Variants in RBFOX1 observed in about 807,000 individuals in gnomAD.
The protein encoded by RBFOX1 is RNA binding fox-1 homolog 1.
A neutral mutation model predicts 57.7 loss-of-function variants in RBFOX1; 8 were observed. The observed-to-expected ratio is 0.14, with a 90% confidence interval of 0.08 to 0.25. The LOEUF (loss-of-function observed/expected upper bound fraction) is 0.25, where lower values mean the gene tolerates loss of function less well. Among genes scored for constraint, RBFOX1 ranks in the 10% least tolerant of loss-of-function variants. The pLI is 1.00. For synonymous variants in RBFOX1, 326 were observed against 222.4 expected, an observed-to-expected ratio of 1.47 and a Z score of -4.15; for missense variants, 611 against 548.5, an observed-to-expected ratio of 1.11 and a Z score of -1.14.
intron 4 of RBFOX1, among the ~76,000 whole-genome samples, chr16:5,954,263 C>T (rs1597940748): frequency 6.6e-6 from 1 of 152,114 alleles, no homozygotes. Context: ...TGTGACAGAC[C>T]CCCACCCACC....
chr16:7,359,163 T>G (rs547605659), intron 4 of RBFOX1, among the ~76,000 whole-genome samples: 1 of 152,322 alleles, frequency 6.6e-6, no homozygotes, highest in South Asian at 2.1e-4. Flanking sequence ...GCAAATGCTG[T>G]GTGACCTTTG....
chr16:5,560,846 C>T (rs938100071), intron 2 of RBFOX1, among the ~76,000 whole-genome samples: 5 of 152,158 alleles, frequency 3.3e-5, no homozygotes, highest in Non-Finnish European at 5.9e-5. Context: ...GTCCACCCAT[C>T]CTCCTTGACA....
intron 3 of RBFOX1, among the ~76,000 whole-genome samples, chr16:6,687,001 C>G (rs1277384423): frequency 3.3e-5 from 5 of 152,086 alleles, no homozygotes; most frequent in Non-Finnish European, 7.3e-5. Context: ...AATAATATGT[C>G]GTCATGGAAA....
intron 3 of RBFOX1, among the ~76,000 whole-genome samples, chr16:6,793,701 C>T (rs143067799): frequency 1.3e-5 from 2 of 152,120 alleles, no homozygotes; most frequent in East Asian, 1.9e-4. Flanking sequence ...CATTGGCCAT[C>T]TTTTCACCCT....
At chr16:7,673,789 G>C (rs1008505836) in intron 13 of RBFOX1, among the ~76,000 whole-genome samples, 4 of 152,206 alleles carry the variant, frequency 2.6e-5, no homozygotes, top group African/African-American at 9.6e-5. Context: ...AATGTTTCAT[G>C]AATGGGAGCG....
At chr16:6,202,887 C>T (rs1339159433) in intron 1 of RBFOX1, among the ~76,000 whole-genome samples, 1 of 152,074 alleles carries the variant, frequency 6.6e-6, no homozygotes, top group Non-Finnish European at 1.5e-5. Flanking sequence ...TTCCTCCTGC[C>T]TCAGCCTCCC....
intron 3 of RBFOX1, among the ~76,000 whole-genome samples, chr16:6,750,864 A>C (rs951414405): frequency 1.8e-4 from 28 of 152,314 alleles, no homozygotes; most frequent in Non-Finnish European, 3.4e-4. Flanking sequence ...CAGGAAGCTG[A>C]AATAGTGAGT....
intron 1 of RBFOX1, among the ~76,000 whole-genome samples, chr16:6,287,075 C>T (rs1056248972): frequency 6.6e-6 from 1 of 152,046 alleles, no homozygotes; most frequent in African/African-American, 2.4e-5. Flanking sequence ...GATAAGGGAA[C>T]AGCATAGTTC....
At chr16:6,443,034 C>G (rs1407213099) in intron 2 of RBFOX1, among the ~76,000 whole-genome samples, 1 of 152,170 alleles carries the variant, frequency 6.6e-6, no homozygotes, top group African/African-American at 2.4e-5. Context: ...GGAAATTCAG[C>G]AGGACCCACT....
chr16:5,974,489 A>C (rs2060023091), intron 4 of RBFOX1, among the ~76,000 whole-genome samples: 1 of 152,056 alleles, frequency 6.6e-6, no homozygotes, highest in Non-Finnish European at 1.5e-5. Context: ...GTGCACCTGT[A>C]ATCCCAGCTA....
At chr16:7,381,909 C>T (rs1437455202) in intron 4 of RBFOX1, among the ~76,000 whole-genome samples, 1 of 152,088 alleles carries the variant, frequency 6.6e-6, no homozygotes, top group African/African-American at 2.4e-5. Flanking sequence ...TGTAGTTCTC[C>T]CCACACTGTG....
chr16:6,916,293 T>C (rs919653321), intron 3 of RBFOX1, among the ~76,000 whole-genome samples: 2 of 152,154 alleles, frequency 1.3e-5, no homozygotes, highest in Non-Finnish European at 2.9e-5. Flanking sequence ...CAGGATACCA[T>C]AGTTTGTTCA....
intron 3 of RBFOX1, among the ~76,000 whole-genome samples, chr16:6,798,598 A>G: frequency 6.6e-6 from 1 of 152,218 alleles, no homozygotes; most frequent in East Asian, 1.9e-4. Context: ...TCAAAGACAC[A>G]TATATCTGTG....
intron 4 of RBFOX1, among the ~76,000 whole-genome samples, chr16:7,250,001 C>T (rs925322767): frequency 1.3e-5 from 2 of 152,156 alleles, no homozygotes; most frequent in Non-Finnish European, 2.9e-5. Context: ...TTTCCAATTG[C>T]CATTTTTATA....
At chr16:7,515,124 C>G (rs1452555758) in intron 4 of RBFOX1, among the ~76,000 whole-genome samples, 1 of 152,108 alleles carries the variant, frequency 6.6e-6, no homozygotes, top group Non-Finnish European at 1.5e-5. Flanking sequence ...AGATGATTCC[C>G]AAGATCCCAA....
chr16:6,749,141 T>C (rs61107261), intron 3 of RBFOX1, among the ~76,000 whole-genome samples: 1 of 152,136 alleles, frequency 6.6e-6, no homozygotes, highest in Non-Finnish European at 1.5e-5. Flanking sequence ...GAAGGCCGGA[T>C]GGCATTCGAG....
chr16:6,403,343 A>G (rs1255901576), intron 2 of RBFOX1, among the ~76,000 whole-genome samples: 2 of 152,102 alleles, frequency 1.3e-5, no homozygotes, highest in East Asian at 1.9e-4. Context: ...CTTGCTTTTG[A>G]TAATCTCCCT....
intron 4 of RBFOX1, among the ~76,000 whole-genome samples, chr16:7,069,379 G>T (rs1194443718): frequency 4.6e-5 from 7 of 152,052 alleles, no homozygotes; most frequent in Non-Finnish European, 1.0e-4. Flanking sequence ...GGCCCGGTGT[G>T]TGTGGTTCCC....
At chr16:6,713,283 A>G (rs976325629) in intron 3 of RBFOX1, among the ~76,000 whole-genome samples, 3 of 132,612 alleles carry the variant, frequency 2.3e-5, no homozygotes, top group African/African-American at 5.8e-5. Flanking sequence ...TGTTTGTGTA[A>G]TAATAACAGT....
Sources: gnomAD v4.1 joint callset for allele counts (sites outside exome capture counted in the v4.1 genomes callset) on GRCh38, gnomAD v4.1.1 for gene constraint, MANE v1.5 for transcripts, NCBI Gene and HGNC (gene_info 2026-07-23, HGNC 2026-07-21) for gene names.